The following DNAH1 variants were observed in gnomAD, a reference collection of about 807,000 sequenced individuals.
The protein encoded by DNAH1 is dynein axonemal heavy chain 1.
In DNAH1, 327 loss-of-function variants were observed where a neutral mutation model predicts 484.3. The observed-to-expected ratio is 0.68, with a 90% CI of 0.62 to 0.74. The LOEUF (loss-of-function observed/expected upper bound fraction) is 0.74. DNAH1 is among the 30% of genes least tolerant of loss of function. DNAH1 has a pLI of 0.00. For missense variants in DNAH1, 5,052 were observed against 5,546.8 expected, an observed-to-expected ratio of 0.91 and a Z score of 2.83; for synonymous variants, 2,192 against 2,191.9, an observed-to-expected ratio of 1.00 and a Z score of 0.00.
rs1283060405 is a variant in DNAH1, at chr3:52,321,123, T to TTTTTTC, written c.-34-1281_-34-1280insCTTTTT. On this transcript the variant is annotated intron_variant, in intron 1 of 77. Coordinates refer to ENST00000420323, the MANE Select transcript of DNAH1 (RefSeq NM_015512.5). The stretch of plus-strand genomic sequence containing the variant: ...CCATTTCTTTCTTTTTTCTTTTTTC[T>TTTTTTC]TTTTTTTTTTGAGATGGAGTTTTGC... Among the ~76,000 whole-genome samples, 4 of 80,894 alleles carry TTTTTTC rather than the reference T, an allele frequency of 4.9e-5. No homozygotes were observed. In the African/African-American group the frequency reaches 5.2e-4, roughly 11 times the overall value. The allele number at this position is 80,894 out of a possible 152,430, so 53.1% of individuals were successfully genotyped here. A position where few individuals can be genotyped will look rare whatever the true frequency, so the allele number is the denominator to read the frequency against.
At chr3:52,344,795 C>T in intron 9 of DNAH1, 148 bp downstream of exon 9, 3 of 907,982 alleles carry the variant, frequency 3.3e-6, no homozygotes, top group Non-Finnish European at 4.9e-6. Context: ...AGCACTTGTC[C>T]CACTTCTCCC....
At position 52,395,580 on chromosome 3, in the gene DNAH1, A is replaced by G. The variant is rs1258434673; in HGVS notation, c.11161A>G (p.Ile3721Val). 2 of 1,613,770 alleles carry G rather than the reference A, an allele frequency of 1.2e-6. No homozygotes were observed. The highest frequency in any genetic ancestry group is 2.2e-5 in the East Asian group (1 of 44,874). The change falls in exon 70 of 78, where the codon ATA becomes GTA. Residue 3721 changes from isoleucine (I) to valine (V), a missense_variant. Ile to Val is a conservative substitution (Grantham distance 29, BLOSUM62 3). This residue lies in a region of DNAH1 where 853 missense variants were observed against 899.0 expected (regional missense o/e 0.95). Transcript: ENST00000420323. This position sits in a 1 kb window ranked among gnomAD's most constrained non-coding sequence, Gnocchi z 4.4. ...GGCAGAAGCCATGATGCGCAGCTCC[A>G]TAGAGAGGGGCAAATGGGTCTTCTT... Reference protein sequence around the residue: ...PRAEAMMRSSIERGKWVFFQN... With the variant: ...PRAEAMMRSSVERGKWVFFQN...
At position 52,347,953 on chromosome 3, in the gene DNAH1, T is replaced by C; in HGVS notation, c.2085T>C (p.His695=). 1 of 1,610,384 alleles carries C rather than the reference T, an allele frequency of 6.2e-7. No individual in the cohort carries two copies. Among genetic ancestry groups the C allele is most frequent in the East Asian group, 2.2e-5 (1 of 44,764 alleles). The part of the protein sequence containing the change: ...NLFDKGILAT[H]AVPQLEKLVM... ...TCGACAAGGGCATCCTGGCCACCCATGCCGTGCCCCAGCTGGAGAAGGTAC... is the reference window on the plus strand; with the variant it reads ...TCGACAAGGGCATCCTGGCCACCCACGCCGTGCCCCAGCTGGAGAAGGTAC... The change falls in exon 12 of 78, where the codon CAT becomes CAC. Residue 695 remains histidine, a synonymous_variant. Transcript: ENST00000420323.
chr3:52,383,031 C>T (rs1308308984), intron 50 of DNAH1, among the ~76,000 whole-genome samples: 1 of 152,250 alleles, frequency 6.6e-6, no homozygotes, highest in Admixed American at 6.5e-5. Context: ...CCATCTAACA[C>T]AAGCCAGGCC....
At position 52,400,486 on chromosome 3, in the gene DNAH1, CT is replaced by C; in HGVS notation, c.*41del. The C allele has an allele frequency of 6.2e-7, 1 of 1,613,464 alleles. No homozygotes were observed. The highest frequency in any genetic ancestry group is 8.5e-7 in the Non-Finnish European group (1 of 1,179,516). ...GCTGGGGCCATTAAAGCTGAATTTTCTAAGCAGTCCAGCTGTGCCTTAGCTG... is the reference window on the plus strand; with the variant it reads ...GCTGGGGCCATTAAAGCTGAATTTTCAAGCAGTCCAGCTGTGCCTTAGCTG... On this transcript the variant is annotated 3_prime_UTR_variant, in exon 78 of 78. Transcript: ENST00000420323.
chr3:52,355,548 A>C lies in DNAH1; in HGVS notation c.3693+493A>C, dbSNP rs1294247530. ...ACTTGTCTTGGGCTCTCAAGGCTAG[A>C]GGCAAGGGCTGCCCACAGAGCCCTG... is the stretch of plus-strand genomic sequence containing the variant. On this transcript the variant is annotated intron_variant, in intron 21 of 77. Transcript: ENST00000420323. The surrounding 1 kb of genome is among the most constrained non-coding windows in gnomAD (Gnocchi z 4.5). Among the ~76,000 whole-genome samples the C allele has an allele frequency of 6.6e-6, 1 of 152,212 alleles. No individual in the cohort carries two copies. Among genetic ancestry groups the C allele is most frequent in the African/African-American group, 2.4e-5 (1 of 41,474 alleles).
chr3:52,321,488 A>G (rs1420774088), intron 1 of DNAH1, among the ~76,000 whole-genome samples: 1 of 152,136 alleles, frequency 6.6e-6, no homozygotes, highest in African/African-American at 2.4e-5. Flanking sequence ...AGCATTATGT[A>G]CAAACCTCTT....
At position 52,363,009 on chromosome 3, in the gene DNAH1, C is replaced by G; in HGVS notation, c.5109C>G (p.Pro1703=). 1 of 1,613,956 alleles carries G rather than the reference C, an allele frequency of 6.2e-7. No individual in the cohort carries two copies. Among genetic ancestry groups the G allele is most frequent in the Non-Finnish European group, 8.5e-7 (1 of 1,179,860 alleles). The change falls in exon 32 of 78, where the codon CCC becomes CCG. Residue 1703 remains proline, a synonymous_variant. Transcript: ENST00000420323. ...LPDNLKALFR[P]VAMMVPDYAM... is the part of the protein sequence containing the mutation. ...GTGTGTCCCAGGCGCTCTTCCGACC[C>G]GTGGCCATGATGGTTCCAGATTACG...
intron 44 of DNAH1, chr3:52,374,727 A>G: frequency 1.6e-6 from 2 of 1,283,490 alleles, no homozygotes; most frequent in Middle Eastern, 2.2e-4. Context: ...ACATGGCTTG[A>G]TATACAACGC....
At chr3:52,394,874 C>T in intron 67 of DNAH1, 41 bp from the exon 68 acceptor site, 1 of 1,604,556 alleles carries the variant, frequency 6.2e-7, no homozygotes, top group Non-Finnish European at 8.5e-7. Flanking sequence ...AACCTCCTTC[C>T]AACAGGCTGG....
chr3:52,369,798 C>T (rs1703245379), intron 37 of DNAH1, 27 bp from the exon 38 acceptor site: 1 of 1,581,996 alleles, frequency 6.3e-7, no homozygotes, highest in Non-Finnish European at 8.6e-7. Flanking sequence ...GCAGCCAGCC[C>T]ACTCATTTGG....
rs1702276887 is a variant in DNAH1, at chr3:52,349,338, A to C, written c.2444A>C (p.Gln815Pro). The change falls in exon 14 of 78, where the codon CAG (glutamine) becomes CCG (proline). Residue 815 changes from glutamine (Q) to proline (P), a missense_variant. Gln to Pro is a moderately conservative substitution (Grantham distance 76). Transcript: ENST00000420323. ...TACATCAACACCGACAATGTCAAGC[A>C]GAGCCTGTCCAAGAAACGCAAGGCC... ...PFYINTDNVK[Q>P]SLSKKRKALA... 3.1e-6 allele frequency: 5 copies of C among 1,614,050 alleles called. No individual in the cohort carries two copies. Among genetic ancestry groups the C allele is most frequent in the Non-Finnish European group, 4.2e-6 (5 of 1,179,902 alleles).
At chr3:52,390,833 G>A (rs772933309) in intron 60 of DNAH1, 102 bp from the exon 61 acceptor site, 59 of 1,505,940 alleles carry the variant, frequency 3.9e-5, no homozygotes, top group Non-Finnish European at 5.0e-5. Flanking sequence ...AGTAAGGAGA[G>A]GGAAGTCCAT....
intron 6 of DNAH1, among the ~76,000 whole-genome samples, chr3:52,329,612 G>A (rs969735948): frequency 6.6e-6 from 1 of 152,140 alleles, no homozygotes; most frequent in Non-Finnish European, 1.5e-5. Flanking sequence ...CGGATCATGA[G>A]GTCAGGAGTT....
intron 44 of DNAH1, among the ~76,000 whole-genome samples, chr3:52,373,302 TGGC>T (rs919456218): frequency 1.7e-4 from 8 of 48,032 alleles, no homozygotes; most frequent in Non-Finnish European, 3.2e-4. Context: ...AGTCCCCAGG[TGGC>T]GGTGGTGGCC....
Position 52,358,631 on chromosome 3 carries a change from C to G in DNAH1, c.4160C>G (p.Ser1387Cys). 6 of 1,613,304 alleles carry G rather than the reference C, an allele frequency of 3.7e-6. No homozygotes were observed. The highest frequency in any genetic ancestry group is 5.1e-6 in the Non-Finnish European group (6 of 1,179,760). ...GGGGAGGAGGTACAGTTGTGCTTCT[C>G]CATCTACCCCTCCAGCAACGTGGAG... is the stretch of plus-strand genomic sequence containing the variant. The part of the protein sequence containing the change: ...AEGEEVQLCF[S>C]IYPSSNVEDW... The change falls in exon 25 of 78, where the codon TCC becomes TGC. Residue 1387 changes from serine (S) to cysteine (C), a missense_variant. Ser to Cys is a moderately radical substitution (Grantham distance 112). This residue lies in a region of DNAH1 where 2,929 missense variants were observed against 3,409.4 expected (regional missense o/e 0.86). Coordinates refer to ENST00000420323, the MANE Select transcript of DNAH1 (RefSeq NM_015512.5). This position sits in a 1 kb window ranked among gnomAD's most constrained non-coding sequence, Gnocchi z 4.2.
chr3:52,390,439 AAAG>A (rs1704322073), intron 60 of DNAH1, among the ~76,000 whole-genome samples: 1 of 152,222 alleles, frequency 6.6e-6, no homozygotes, highest in Non-Finnish European at 1.5e-5. Flanking sequence ...CCAAAAAAGA[AAAG>A]AAAAGAAAGC....
chr3:52,319,216 C>T (rs1434388501), intron 1 of DNAH1, among the ~76,000 whole-genome samples: 2 of 152,234 alleles, frequency 1.3e-5, no homozygotes, highest in East Asian at 3.8e-4. Context: ...ATCTGTGTCT[C>T]TTCAGCCAAG....
At chr3:52,340,110 G>A (rs887990611) in intron 8 of DNAH1, among the ~76,000 whole-genome samples, 10 of 151,552 alleles carry the variant, frequency 6.6e-5, no homozygotes, top group African/African-American at 1.7e-4. Context: ...TTTGAGATAC[G>A]GTCTCACTTT....
Sources: gnomAD v4.1 joint callset for allele counts (sites outside exome capture counted in the v4.1 genomes callset) on GRCh38, gnomAD v4.1.1 for gene constraint, gnomAD v4.1.1 regional missense constraint, Gnocchi (gnomAD v3.1) non-coding constraint, MANE v1.5 for transcripts, NCBI Gene and HGNC (gene_info 2026-07-23, HGNC 2026-07-21) for gene names.